Variants in MELK observed in about 807,000 individuals in gnomAD.
MELK encodes pEg3 kinase.
Under a neutral mutation model 85.0 loss-of-function variants are expected in MELK, and 81 were observed. That is an observed-to-expected ratio of 0.95 (90% CI 0.80 to 1.15). MELK has a LOEUF of 1.15. Among genes scored for constraint, MELK ranks in the 50% most tolerant of loss-of-function variants. The pLI is 0.00. For synonymous variants in MELK, 252 were observed against 265.0 expected, an observed-to-expected ratio of 0.95 and a Z score of 0.48; for missense variants, 754 against 777.5, an observed-to-expected ratio of 0.97 and a Z score of 0.36.
At chr9:36,605,854 T>C (rs1196522397) in intron 7 of MELK, among the ~76,000 whole-genome samples, 3 of 151,674 alleles carry the variant, frequency 2.0e-5, no homozygotes, top group African/African-American at 7.3e-5. Context: ...TTTCTTTTTT[T>C]GCTCTTAAAA....
chr9:36,652,043 T>TTTC (rs924022693), intron 12 of MELK, among the ~76,000 whole-genome samples, 166 bp downstream of exon 12: 3 of 3,934 alleles, frequency 7.6e-4, no homozygotes, highest in Non-Finnish European at 1.5e-3. Flanking sequence ...TGAACTCTAA[T>TTTC]TTTTTTTTTT....
At chr9:36,613,010 T>G (rs1025325300) in intron 8 of MELK, among the ~76,000 whole-genome samples, 2 of 152,236 alleles carry the variant, frequency 1.3e-5, no homozygotes, top group African/African-American at 2.4e-5. Flanking sequence ...AGCCAGTGTT[T>G]GCCCTGTGTG....
At chr9:36,633,282 C>A in intron 10 of MELK, 82 bp downstream of exon 10, 1 of 921,402 alleles carries the variant, frequency 1.1e-6, no homozygotes, top group South Asian at 1.6e-5. Flanking sequence ...ATGATGTGGT[C>A]TAAATATACA....
At chr9:36,589,816 G>A (rs1823343049) in intron 4 of MELK, among the ~76,000 whole-genome samples, 164 bp downstream of exon 4, 1 of 151,892 alleles carries the variant, frequency 6.6e-6, no homozygotes, top group Non-Finnish European at 1.5e-5. Flanking sequence ...ATAAGTTGGA[G>A]ATTCAATGTA....
At chr9:36,602,365 C>T (rs1036214243) in intron 7 of MELK, among the ~76,000 whole-genome samples, 3 of 150,992 alleles carry the variant, frequency 2.0e-5, no homozygotes, top group Admixed American at 1.3e-4. Flanking sequence ...GTGATGCGCA[C>T]CTGTAATCCC....
chr9:36,663,348 G>A (rs1832040397), intron 13 of MELK, among the ~76,000 whole-genome samples: 1 of 152,116 alleles, frequency 6.6e-6, no homozygotes, highest in African/African-American at 2.4e-5. Flanking sequence ...CCAAAGTGCT[G>A]GGATTACAGG....
At chr9:36,625,955 A>G (rs1195854075) in intron 8 of MELK, among the ~76,000 whole-genome samples, 1 of 152,196 alleles carries the variant, frequency 6.6e-6, no homozygotes, top group Non-Finnish European at 1.5e-5. Context: ...TTATGATATA[A>G]TTAGGAATTG....
rs7046704 is a variant in MELK at position 36,589,440 on chromosome 9, C to T, written c.145-96C>T. On this transcript the variant is annotated intron_variant, in intron 3 of 17. Transcript: ENST00000298048. ...GGGATTACAGGTGTGAGCCACCGTG[C>T]CCGGCCAGCTACTTAGTATTAAAGC... 5,100 of 977,044 alleles carry T rather than the reference C, an allele frequency of 5.2e-3. 168 individuals are homozygous for T. The African/African-American group carries it at 0.073, about 14-fold the overall frequency. The allele number at this position is 977,044 out of a possible 1,614,324, so 60.5% of individuals were successfully genotyped here.
chr9:36,644,500 A>T (rs1433547564), intron 11 of MELK, among the ~76,000 whole-genome samples: 1 of 152,222 alleles, frequency 6.6e-6, no homozygotes, highest in Non-Finnish European at 1.5e-5. Flanking sequence ...ATAAGTAAAG[A>T]CACACAGAAT....
chr9:36,598,169 CA>C (rs1824497429), intron 6 of MELK, among the ~76,000 whole-genome samples: 1 of 150,262 alleles, frequency 6.7e-6, no homozygotes, highest in Non-Finnish European at 1.5e-5. Flanking sequence ...TTCTGGGAAC[CA>C]AATGCTAGAA....
intron 3 of MELK, among the ~76,000 whole-genome samples, chr9:36,585,779 T>C (rs766158175): frequency 6.6e-6 from 1 of 151,508 alleles, no homozygotes; most frequent in Non-Finnish European, 1.5e-5. Flanking sequence ...CTACAAAAAA[T>C]AAAAAAAATT....
At chr9:36,644,109 T>C (rs1830013236) in intron 11 of MELK, among the ~76,000 whole-genome samples, 1 of 152,134 alleles carries the variant, frequency 6.6e-6, no homozygotes, top group Non-Finnish European at 1.5e-5. Flanking sequence ...ACGTCACCCC[T>C]AAGTGGACAA....
chr9:36,657,498 C>G lies in MELK; in HGVS notation c.1176+135C>G. 3.2e-6 allele frequency: 3 copies of G among 948,910 alleles called. No homozygotes were observed. In the South Asian group the frequency reaches 6.3e-5, roughly 20 times the overall value. The allele number at this position is 948,910 out of a possible 1,614,324, so 58.8% of individuals were successfully genotyped here. Reference sequence around the variant, plus strand: ...CACTGAAAATGTTTATGAGCGATAACTGGAATACGAATGAAAGGGAAGTCA... The same window carrying G: ...CACTGAAAATGTTTATGAGCGATAAGTGGAATACGAATGAAAGGGAAGTCA... On this transcript the variant is annotated intron_variant, in intron 13 of 17. Coordinates refer to ENST00000298048, the MANE Select transcript of MELK (RefSeq NM_014791.4).
chr9:36,599,850 A>G (rs1824727368), intron 7 of MELK, among the ~76,000 whole-genome samples: 1 of 152,200 alleles, frequency 6.6e-6, no homozygotes, highest in Admixed American at 6.5e-5. Context: ...TGCTTCGTCC[A>G]TCCAGAGCTG....
At chr9:36,665,696 A>G in intron 14 of MELK, 115 bp downstream of exon 14, 2 of 723,342 alleles carry the variant, frequency 2.8e-6, no homozygotes, top group South Asian at 4.9e-5. Flanking sequence ...AGGAGAAGTG[A>G]AGCTGTTTTT....
In MELK at chr9:36,652,068, A is replaced by G. The variant is rs1341497993; in HGVS notation, c.1053+191A>G. Among the ~76,000 whole-genome samples, 5 of 32,314 alleles carry G rather than the reference A, an allele frequency of 1.5e-4. No homozygotes were observed. In the East Asian group the frequency reaches 3.9e-3, roughly 25 times the overall value. The allele number at this position is 32,314 out of a possible 152,430, so 21.2% of individuals were successfully genotyped here. ...TTTTTTTTTTTTTTTTTTTTTTGAG[A>G]TAGAGTCTCACTCTGTCATCTAGGC... is the stretch of plus-strand genomic sequence containing the variant. On this transcript the variant is annotated intron_variant, in intron 12 of 17. Transcript: ENST00000298048.
At chr9:36,594,072 A>G (rs921663515) in intron 4 of MELK, among the ~76,000 whole-genome samples, 1 of 152,138 alleles carries the variant, frequency 6.6e-6, no homozygotes, top group Admixed American at 6.5e-5. Flanking sequence ...TTTAATTGAT[A>G]TTGCTAAAAT....
intron 1 of MELK, among the ~76,000 whole-genome samples, chr9:36,579,063 T>C (rs1444424205): frequency 6.6e-6 from 1 of 151,850 alleles, no homozygotes; most frequent in East Asian, 1.9e-4. Flanking sequence ...ATTTCGCTCT[T>C]GTTGCCCAGG....
At chr9:36,606,388 AT>A (rs1825500545) in intron 7 of MELK, among the ~76,000 whole-genome samples, 1 of 104,304 alleles carries the variant, frequency 9.6e-6, no homozygotes, top group African/African-American at 6.5e-5. Context: ...TGTGTATATA[AT>A]ATATACATAT....
Sources: allele counts gnomAD v4.1 joint callset (sites outside exome capture counted in the v4.1 genomes callset), GRCh38; gene constraint gnomAD v4.1.1; transcripts MANE v1.5; gene names NCBI Gene and HGNC (gene_info 2026-07-23, HGNC 2026-07-21).